Variants in CD2AP observed in about 807,000 individuals in gnomAD.
The protein encoded by CD2AP is CD2-associated protein.
In CD2AP, 46 loss-of-function variants were observed where a neutral mutation model predicts 85.1. That is an observed-to-expected ratio of 0.54 (90% CI 0.43 to 0.69). The LOEUF is 0.69. Ranked by LOEUF, CD2AP falls within the 30% of genes least tolerant of loss-of-function variation. The probability of loss-of-function intolerance (pLI) is 0.00; values close to 1 mark genes in which losing one functional copy is unlikely to be tolerated. For missense variants in CD2AP, 769 were observed against 729.5 expected (o/e 1.05, Z -0.62); for synonymous variants, 255 against 252.9 (o/e 1.01, Z -0.08).
At chr6:47,575,113 G>C (rs1768270360) in intron 6 of CD2AP, among the ~76,000 whole-genome samples, 1 of 152,156 alleles carries the variant, frequency 6.6e-6, no homozygotes. Flanking sequence ...TTGGGTTCAG[G>C]AAAGAGAACT....
chr6:47,510,309 G>C (rs573275712), intron 2 of CD2AP, among the ~76,000 whole-genome samples: 1 of 152,290 alleles, frequency 6.6e-6, no homozygotes, highest in African/African-American at 2.4e-5. Context: ...AGAGGGCCTA[G>C]AAGCAGTGAT....
intron 5 of CD2AP, among the ~76,000 whole-genome samples, chr6:47,566,921 T>C (rs770925411): frequency 2.0e-5 from 3 of 152,188 alleles, no homozygotes; most frequent in East Asian, 1.9e-4. Context: ...GCTGTAAATA[T>C]TGTAAACATA....
At chr6:47,496,678 A>G (rs1297256314) in intron 1 of CD2AP, among the ~76,000 whole-genome samples, 1 of 152,150 alleles carries the variant, frequency 6.6e-6, no homozygotes, top group Non-Finnish European at 1.5e-5. Flanking sequence ...TACAAACACT[A>G]TTTCCTTGCC....
At chr6:47,488,337 T>C (rs1047068451) in intron 1 of CD2AP, among the ~76,000 whole-genome samples, 10 of 152,174 alleles carry the variant, frequency 6.6e-5, no homozygotes, top group Non-Finnish European at 1.5e-4. Flanking sequence ...AGGTAGGTGT[T>C]GTGAAGCAAG....
At chr6:47,538,037 C>A (rs1767100365) in intron 3 of CD2AP, among the ~76,000 whole-genome samples, 1 of 151,954 alleles carries the variant, frequency 6.6e-6, no homozygotes, top group Non-Finnish European at 1.5e-5. Flanking sequence ...AGACCCAAGC[C>A]ACTGCTCCGG....
chr6:47,478,518 G>C (rs1171816461), intron 1 of CD2AP, among the ~76,000 whole-genome samples: 1 of 151,862 alleles, frequency 6.6e-6, no homozygotes, highest in African/African-American at 2.4e-5. Flanking sequence ...GATGGGGGGC[G>C]GGGGCGCCTG....
Position 47,579,334 on chromosome 6 carries a change from T to TAAAAA in CD2AP, c.904-41_904-37dup, listed in dbSNP as rs34735056. The TAAAAA allele has an allele frequency of 6.9e-4, 556 of 802,850 alleles. 5 individuals carry two copies. The highest frequency in any genetic ancestry group is 3.2e-3 in the Middle Eastern group (12 of 3,698). 49.7% of individuals were successfully genotyped at this position (802,850 alleles called of 1,614,324 possible). ...TGGCCAACAGAGCAACACTTTATCT[T>TAAAAA]AAAAAAAAAAAAAAGGTCTATTGTC... On this transcript the variant is annotated intron_variant, in intron 8 of 17. Transcript: ENST00000359314.
intron 1 of CD2AP, among the ~76,000 whole-genome samples, chr6:47,479,403 T>C (rs1765389946): frequency 6.6e-6 from 1 of 152,216 alleles, no homozygotes; most frequent in Admixed American, 6.5e-5. Flanking sequence ...GCATATTGTT[T>C]ATAGACACTC....
intron 2 of CD2AP, among the ~76,000 whole-genome samples, chr6:47,510,865 G>A (rs548697387): frequency 6.6e-6 from 1 of 152,094 alleles, no homozygotes; most frequent in South Asian, 2.1e-4. Flanking sequence ...ACGAGGTCAA[G>A]AGATCGAGAC....
At chr6:47,562,734 TG>T in intron 5 of CD2AP, 1 of 791,362 alleles carries the variant, frequency 1.3e-6, no homozygotes, top group Non-Finnish European at 2.2e-6. Flanking sequence ...TTTGTGAAGC[TG>T]GCCAAGCCTT....
chr6:47,498,078 A>G (rs1019032895), intron 1 of CD2AP, among the ~76,000 whole-genome samples: 1 of 148,684 alleles, frequency 6.7e-6, no homozygotes, highest in Non-Finnish European at 1.5e-5. Flanking sequence ...TTGGTGCCAC[A>G]ATTTCTTGGA....
chr6:47,497,558 G>A (rs551412707), intron 1 of CD2AP, among the ~76,000 whole-genome samples: 7 of 151,862 alleles, frequency 4.6e-5, no homozygotes, highest in Admixed American at 3.9e-4. Flanking sequence ...CTGTAGGTGC[G>A]TTATCATTAC....
chr6:47,616,395 TAA>T (rs889728397), intron 17 of CD2AP, among the ~76,000 whole-genome samples: 1 of 152,094 alleles, frequency 6.6e-6, no homozygotes, highest in African/African-American at 2.4e-5. Context: ...CACCTGGCCT[TAA>T]AGATGTTTTT....
intron 1 of CD2AP, 129 bp from the exon 2 acceptor site, chr6:47,503,151 G>A: frequency 6.9e-6 from 6 of 872,218 alleles, no homozygotes; most frequent in Admixed American, 2.3e-5. Flanking sequence ...ATTGAAATCA[G>A]CCTTGCTGAT....
intron 3 of CD2AP, among the ~76,000 whole-genome samples, chr6:47,535,643 A>G (rs1321135308): frequency 1.3e-5 from 2 of 152,238 alleles, no homozygotes; most frequent in African/African-American, 2.4e-5. Context: ...CATATTATAT[A>G]TACTGCTTTC....
intron 5 of CD2AP, chr6:47,562,506 T>C (rs1767888571): frequency 4.2e-6 from 1 of 238,260 alleles, no homozygotes; most frequent in Non-Finnish European, 8.3e-6. Flanking sequence ...TTTTAAGTTA[T>C]AAAGTGAAGA....
At chr6:47,581,930 C>A in intron 10 of CD2AP, 73 bp from the exon 11 acceptor site, 1 of 966,346 alleles carries the variant, frequency 1.0e-6, no homozygotes, top group Non-Finnish European at 1.7e-6. Context: ...CTCATCTTTA[C>A]TTTTTAGAAG....
rs1226229293 is a variant in CD2AP at position 47,624,517 on chromosome 6, GT to G, written c.*297del. The stretch of plus-strand genomic sequence containing the variant: ...AATATAAATAAGAATGTGCACAGTA[GT>G]TTTTTTATTGAAACTTGTATTATTT... On this transcript the variant is annotated 3_prime_UTR_variant, in exon 18 of 18. Transcript: ENST00000359314. 1.5e-5 allele frequency: 5 copies of G among 333,658 alleles called. No individual in the cohort carries two copies. The highest frequency in any genetic ancestry group is 1.1e-4 in the African/African-American group (5 of 46,896). 20.7% of individuals were successfully genotyped at this position (333,658 alleles called of 1,614,324 possible). A position where few individuals can be genotyped will look rare whatever the true frequency, so the allele number is the denominator to read the frequency against.
intron 5 of CD2AP, 135 bp downstream of exon 5, chr6:47,554,901 G>T: frequency 1.3e-6 from 1 of 751,064 alleles, no homozygotes; most frequent in Non-Finnish European, 2.1e-6. Flanking sequence ...CTTTAAAAAA[G>T]CAAATTATGA....
Sources: gnomAD v4.1 joint callset for allele counts (sites outside exome capture counted in the v4.1 genomes callset) on GRCh38, gnomAD v4.1.1 for gene constraint, MANE v1.5 for transcripts, NCBI Gene and HGNC (gene_info 2026-07-23, HGNC 2026-07-21) for gene names.